CDH1: variants seen among roughly 807,000 people sequenced by gnomAD.
The protein encoded by CDH1 is cadherin-1.
In CDH1, 35 loss-of-function variants were observed where a neutral mutation model predicts 84.5. The observed-to-expected ratio is 0.41, with a 90% CI of 0.32 to 0.55. CDH1 has a LOEUF of 0.55. Among genes scored for constraint, CDH1 ranks in the 20% least tolerant of loss-of-function variants. The probability of loss-of-function intolerance (pLI) is 0.19; values close to 1 mark genes in which losing one functional copy is unlikely to be tolerated. For synonymous variants in CDH1, 417 were observed against 439.0 expected (o/e 0.95, Z 0.63); for missense variants, 994 against 1,126.6 (o/e 0.88, Z 1.68).
intron 13 of CDH1, among the ~76,000 whole-genome samples, 163 bp downstream of exon 13, chr16:68,823,789 C>G (rs1391756151): frequency 6.6e-6 from 1 of 152,106 alleles, no homozygotes; most frequent in African/African-American, 2.4e-5. Flanking sequence ...AAGTTTGTCT[C>G]TTACTGAACA....
At position 68,833,379 on chromosome 16, in the gene CDH1, T is replaced by A. The variant is rs1596976414; in HGVS notation, c.2529T>A (p.Ala843=). The change falls in exon 16 of 16, where the codon GCT becomes GCA. Residue 843 remains alanine (A), a synonymous_variant. Coordinates refer to ENST00000261769, the MANE Select transcript of CDH1 (RefSeq NM_004360.5). ...FDYEGSGSEA[A]SLSSLNSSES... The stretch of plus-strand genomic sequence containing the variant: ...ATGAAGGAAGCGGTTCCGAAGCTGC[T>A]AGTCTGAGCTCCCTGAACTCCTCAG... 6.2e-7 allele frequency: 1 copy of A among 1,614,202 alleles called. No homozygotes were observed. The highest frequency in any genetic ancestry group is 2.2e-5 in the East Asian group (1 of 44,888).
intron 2 of CDH1, among the ~76,000 whole-genome samples, chr16:68,757,903 ATCC>A (rs1466656263): frequency 2.1e-5 from 3 of 146,060 alleles, no homozygotes; most frequent in Non-Finnish European, 4.5e-5. Flanking sequence ...AGTCATCCCC[ATCC>A]TCCCACCTCA....
intron 2 of CDH1, among the ~76,000 whole-genome samples, chr16:68,759,789 G>A (rs545538300): frequency 8.6e-4 from 130 of 151,922 alleles, no homozygotes; most frequent in African/African-American, 3.1e-3. Flanking sequence ...CCACCACGCC[G>A]GGCCTGACAA....
intron 2 of CDH1, among the ~76,000 whole-genome samples, chr16:68,786,941 C>G (rs964683112): frequency 1.3e-5 from 2 of 152,130 alleles, no homozygotes; most frequent in Non-Finnish European, 2.9e-5. Flanking sequence ...CAGCACAGCC[C>G]ACATTTGAAA....
chr16:68,756,303 GCTT>G (rs753913201), intron 2 of CDH1, among the ~76,000 whole-genome samples: 5 of 152,048 alleles, frequency 3.3e-5, no homozygotes, highest in Non-Finnish European at 7.4e-5. Context: ...GAGAGTTGTG[GCTT>G]TCCTATTGGA....
At chr16:68,743,412 G>A (rs1444793898) in intron 2 of CDH1, among the ~76,000 whole-genome samples, 2 of 150,224 alleles carry the variant, frequency 1.3e-5, no homozygotes, top group Non-Finnish European at 2.9e-5. Context: ...CGCTCAGGCT[G>A]GAGTGTAGAG....
chr16:68,755,310 T>C (rs546730497), intron 2 of CDH1, among the ~76,000 whole-genome samples: 1 of 123,530 alleles, frequency 8.1e-6, no homozygotes, highest in African/African-American at 3.1e-5. Flanking sequence ...AAAAATAGAA[T>C]TGGACTGTAT....
intron 2 of CDH1, among the ~76,000 whole-genome samples, chr16:68,767,213 C>T (rs915425447): frequency 6.6e-6 from 1 of 151,084 alleles, no homozygotes; most frequent in African/African-American, 2.4e-5. Flanking sequence ...TTCTTTTCCC[C>T]TGAGACAGTC....
At chr16:68,754,793 C>T (rs1483330641) in intron 2 of CDH1, among the ~76,000 whole-genome samples, 5 of 152,120 alleles carry the variant, frequency 3.3e-5, no homozygotes, top group Non-Finnish European at 1.5e-5. Context: ...GGGGCCCAAA[C>T]AGAGAAAAAG....
chr16:68,832,060 A>T (rs1470651726), intron 15 of CDH1, among the ~76,000 whole-genome samples: 1 of 152,122 alleles, frequency 6.6e-6, no homozygotes, highest in Non-Finnish European at 1.5e-5. Flanking sequence ...ACGTGTTCTC[A>T]CTCATATGTG....
In CDH1 at chr16:68,824,354, A is replaced by G. The variant is rs558635047; in HGVS notation, c.2164+728A>G. Among the ~76,000 whole-genome samples the G allele has an allele frequency of 2.0e-5, 3 of 152,282 alleles. No homozygotes were observed. The East Asian group carries it at 5.8e-4, about 29-fold the overall frequency. ...TACTGATGTTGCAGTTCCTTAGACCATAGGCAGAGTAGCAAGACCTTGGGG... is the reference window on the plus strand; with the variant it reads ...TACTGATGTTGCAGTTCCTTAGACCGTAGGCAGAGTAGCAAGACCTTGGGG... On this transcript the variant is annotated intron_variant, in intron 13 of 15. Transcript: ENST00000261769.
At chr16:68,775,163 T>G (rs1367585412) in intron 2 of CDH1, among the ~76,000 whole-genome samples, 2 of 152,066 alleles carry the variant, frequency 1.3e-5, no homozygotes, top group Non-Finnish European at 2.9e-5. Flanking sequence ...ACCCTCATTT[T>G]ACAATTAACA....
chr16:68,810,979 T>G (rs1960805779), intron 6 of CDH1, among the ~76,000 whole-genome samples: 1 of 152,158 alleles, frequency 6.6e-6, no homozygotes, highest in Admixed American at 6.6e-5. Flanking sequence ...CTGCTAAGAT[T>G]ATAGGCATGA....
intron 9 of CDH1, 135 bp from the exon 10 acceptor site, chr16:68,815,380 A>T: frequency 1.5e-5 from 17 of 1,126,276 alleles, no homozygotes; most frequent in Non-Finnish European, 2.1e-5. Flanking sequence ...TGCCATTGAA[A>T]GTCATGGCAG....
intron 2 of CDH1, chr16:68,742,355 C>G (rs1567473268): frequency 6.6e-6 from 1 of 152,464 alleles, no homozygotes; most frequent in South Asian, 2.1e-4. Flanking sequence ...TCTCGGCTCA[C>G]TGCAACCTCT....
intron 2 of CDH1, among the ~76,000 whole-genome samples, chr16:68,800,372 C>A (rs1960465740): frequency 6.6e-6 from 1 of 152,070 alleles, no homozygotes; most frequent in Admixed American, 6.6e-5. Flanking sequence ...TCTGTTACTT[C>A]CCCTCTCACC....
intron 2 of CDH1, among the ~76,000 whole-genome samples, chr16:68,760,429 A>G (rs901225400): frequency 5.3e-5 from 8 of 152,080 alleles, no homozygotes; most frequent in African/African-American, 1.7e-4. Flanking sequence ...AAAGTATTTT[A>G]AATTCTAGTT....
intron 2 of CDH1, among the ~76,000 whole-genome samples, chr16:68,786,392 G>A (rs896505118): frequency 8.6e-5 from 13 of 151,812 alleles, no homozygotes; most frequent in African/African-American, 1.2e-4. Context: ...GGCTGGTCTC[G>A]AACCCCTGAT....
chr16:68,760,540 C>A (rs536777935), intron 2 of CDH1, among the ~76,000 whole-genome samples: 1 of 152,252 alleles, frequency 6.6e-6, no homozygotes, highest in African/African-American at 2.4e-5. Flanking sequence ...TTATAACAGG[C>A]CTTGGAGAAT....
Sources: allele counts gnomAD v4.1 joint callset (sites outside exome capture counted in the v4.1 genomes callset), GRCh38; gene constraint gnomAD v4.1.1; transcripts MANE v1.5; gene names NCBI Gene and HGNC (gene_info 2026-07-23, HGNC 2026-07-21).